NBPF26: variants seen among roughly 807,000 people sequenced by gnomAD.
NBPF26 encodes the protein NBPF family member NBPF26.
In NBPF26, 79 loss-of-function variants were observed where a neutral mutation model predicts 119.6. That is an observed-to-expected ratio of 0.66 (90% confidence interval 0.55 to 0.80). The LOEUF (loss-of-function observed/expected upper bound fraction) is 0.80. Ranked by LOEUF, NBPF26 falls within the 30% of genes least tolerant of loss-of-function variation. The pLI is 0.00. For synonymous variants in NBPF26, 299 were observed against 457.7 expected (o/e 0.65, Z 4.43); for missense variants, 800 against 1,198.2 (o/e 0.67, Z 4.91).
chr1:120,833,200 C>G (rs1407590847), intron 23 of NBPF26, among the ~76,000 whole-genome samples: 1 of 117,968 alleles, frequency 8.5e-6, no homozygotes, highest in African/African-American at 4.7e-5. Context: ...ACTTCAAAAG[C>G]TGTACTCTCA....
At chr1:120,737,799 C>T (rs1276111079) in intron 1 of NBPF26, among the ~76,000 whole-genome samples, 1 of 120,640 alleles carries the variant, frequency 8.3e-6, no homozygotes, top group Non-Finnish European at 1.7e-5. Context: ...TATATTTTAA[C>T]ATTTGTTTCC....
intron 2 of NBPF26, among the ~76,000 whole-genome samples, chr1:120,778,062 C>T (rs1171663252): frequency 1.1e-5 from 1 of 89,054 alleles, no homozygotes; most frequent in Non-Finnish European, 2.0e-5. Context: ...TGGCTGTTAG[C>T]AATTACTTTT....
At position 120,724,288 on chromosome 1, in the gene NBPF26, G is replaced by A. The variant is rs1192375381; in HGVS notation, c.73+38G>A. 36 of 1,372,490 alleles carry A rather than the reference G, an allele frequency of 2.6e-5. 12 individuals are homozygous for A. The highest frequency in any genetic ancestry group is 5.3e-5 in the African/African-American group (2 of 37,408). 85.0% of individuals were successfully genotyped at this position (1,372,490 alleles called of 1,614,324 possible). A position where few individuals can be genotyped will look rare whatever the true frequency, so the allele number is the denominator to read the frequency against. ...CTGAGGGGCGCTGTCCGCGGCGCCC[G>A]GGGCTGCCACCTGGGGCGACCCTTC... On this transcript the variant is annotated intron_variant, in intron 1 of 29. Transcript: ENST00000620612.
At position 120,806,871 on chromosome 1, in the gene NBPF26, C is replaced by T. The variant is rs1437248455; in HGVS notation, c.962-736C>T. The stretch of plus-strand genomic sequence containing the variant: ...TAATACCTACCTCTGTAAATTGCTG[C>T]AATGAATTACATGAGGTATTTCCTG... On this transcript the variant is annotated intron_variant, in intron 5 of 29. Transcript: ENST00000620612. 5.7e-5 allele frequency among the ~76,000 whole-genome samples: 7 copies of T among 123,412 alleles called. 1 individual carries two copies. The highest frequency in any genetic ancestry group is 1.2e-4 in the Non-Finnish European group (7 of 60,822). The allele number at this position is 123,412 out of a possible 152,430, so 81.0% of individuals were successfully genotyped here.
At chr1:120,824,097 C>T in exon 18 of NBPF26, 3 of 465,420 alleles carry the variant, frequency 6.4e-6, no homozygotes, top group Admixed American at 8.3e-5. Context: ...ACAGAAGTGC[C>T]TTTTACGTAT....
At chr1:120,802,565 A>T (rs1213321860) in intron 4 of NBPF26, among the ~76,000 whole-genome samples, 1 of 122,738 alleles carries the variant, frequency 8.1e-6, no homozygotes, top group Non-Finnish European at 1.6e-5. Flanking sequence ...CTAGTTTCAA[A>T]TTCAAGCATG....
downstream of NBPF26, chr1:120,840,761 C>G (rs1652503796): frequency 1.7e-5 from 18 of 1,066,664 alleles, 4 homozygotes; most frequent in Non-Finnish European, 2.3e-5. Context: ...TGTGCTCAGT[C>G]TGAAGACAAT....
Position 120,810,623 on chromosome 1 carries a change from A to C in NBPF26, c.1564+65A>C. 2 of 1,332,624 alleles carry C rather than the reference A, an allele frequency of 1.5e-6. 1 individual carries two copies. Among genetic ancestry groups the C allele is most frequent in the African/African-American group, 5.4e-5 (2 of 36,794 alleles). 82.5% of individuals were successfully genotyped at this position (1,332,624 alleles called of 1,614,324 possible). ...GCTATGGAAGGTCAATTCTGAGGAC[A>C]GGCTGTATATACACATATTGTTATT... On this transcript the variant is annotated intron_variant, in intron 9 of 29. Transcript: ENST00000620612.
rs1204986280 is a variant in NBPF26 at position 120,733,155 on chromosome 1, C to CAT, written c.73+8918_73+8919dup. 4.0e-4 allele frequency among the ~76,000 whole-genome samples: 42 copies of CAT among 104,016 alleles called. 3 individuals carry two copies. The highest frequency in any genetic ancestry group is 1.2e-3 in the Admixed American group (13 of 10,524). The allele number at this position is 104,016 out of a possible 152,430, so 68.2% of individuals were successfully genotyped here. ...TATGTTTAGTTTATGAACAGATCTA[C>CAT]ATATATATATATATGCACACACACA... On this transcript the variant is annotated intron_variant, in intron 1 of 29. Transcript: ENST00000620612.
intron 1 of NBPF26, among the ~76,000 whole-genome samples, chr1:120,762,250 AAGTT>A (rs1651142876): frequency 1.4e-5 from 1 of 73,922 alleles, no homozygotes; most frequent in Non-Finnish European, 2.4e-5. Flanking sequence ...GGTATTTAGT[AAGTT>A]CTATGTGTTA....
Position 120,812,174 on chromosome 1 carries a change from A to G in NBPF26, c.1774+79A>G. On this transcript the variant is annotated intron_variant, in intron 10 of 29. Coordinates refer to ENST00000620612, the Ensembl canonical transcript of NBPF26. ...CTCTGAGACACTAAATGCTCTCTCC[A>G]TCAAAAATAATGTCATCCTCCCCGT... The G allele has an allele frequency of 5.5e-6, 5 of 914,384 alleles. 1 individual carries two copies. In the South Asian group the frequency reaches 7.0e-5, roughly 13 times the overall value. 56.6% of individuals were successfully genotyped at this position (914,384 alleles called of 1,614,324 possible).
At chr1:120,777,910 A>G (rs1651316451) in intron 2 of NBPF26, among the ~76,000 whole-genome samples, 1 of 99,160 alleles carries the variant, frequency 1.0e-5, no homozygotes, top group East Asian at 2.6e-4. Flanking sequence ...GTGAGTTTAG[A>G]CCAATAGGTG....
chr1:120,812,957 TA>T (rs1553271200), intron 10 of NBPF26, among the ~76,000 whole-genome samples: 14 of 113,394 alleles, frequency 1.2e-4, no homozygotes, highest in South Asian at 2.5e-4. Flanking sequence ...ATAATAATAA[TA>T]AATAAAAATA....
Position 120,812,190 on chromosome 1 carries a change from T to C in NBPF26, c.1774+95T>C, listed in dbSNP as rs1349300329. 38 of 890,376 alleles carry C rather than the reference T, an allele frequency of 4.3e-5. 3 individuals carry two copies. Among genetic ancestry groups the C allele is most frequent in the African/African-American group, 6.5e-5 (2 of 30,596 alleles). 55.2% of individuals were successfully genotyped at this position (890,376 alleles called of 1,614,324 possible). Reference sequence around the variant, plus strand: ...GCTCTCTCCATCAAAAATAATGTCATCCTCCCCGTACTTCTAGGAAAACAG... The same window carrying C: ...GCTCTCTCCATCAAAAATAATGTCACCCTCCCCGTACTTCTAGGAAAACAG... On this transcript the variant is annotated intron_variant, in intron 10 of 29. Transcript: ENST00000620612.
chr1:120,820,464 A>ATG (rs1426144005), intron 15 of NBPF26, among the ~76,000 whole-genome samples: 6 of 30,452 alleles, frequency 2.0e-4, no homozygotes, highest in African/African-American at 4.7e-4. Flanking sequence ...ATATATATAT[A>ATG]TATATATATA....
rs1457416089 is a variant in NBPF26 at position 120,806,574 on chromosome 1, C to G, written c.961+809C>G. On this transcript the variant is annotated intron_variant, in intron 5 of 29. Transcript: ENST00000620612. ...CACTATTGAACTCCAGCATGGGTGACAGGGCAAGACTCGTCAAAAAACAAA... is the reference window on the plus strand; with the variant it reads ...CACTATTGAACTCCAGCATGGGTGAGAGGGCAAGACTCGTCAAAAAACAAA... 1.6e-5 allele frequency among the ~76,000 whole-genome samples: 2 copies of G among 125,274 alleles called. 1 individual carries two copies. The highest frequency in any genetic ancestry group is 7.6e-5 in the African/African-American group (2 of 26,456). The allele number at this position is 125,274 out of a possible 152,430, so 82.2% of individuals were successfully genotyped here.
chr1:120,763,560 C>T lies in NBPF26; in HGVS notation c.74-68C>T. 3 of 676,920 alleles carry T rather than the reference C, an allele frequency of 4.4e-6. 1 individual carries two copies. In the South Asian group the frequency reaches 4.6e-5, roughly 10 times the overall value. 41.9% of individuals were successfully genotyped at this position (676,920 alleles called of 1,614,324 possible). A position where few individuals can be genotyped will look rare whatever the true frequency, so the allele number is the denominator to read the frequency against. On this transcript the variant is annotated intron_variant, in intron 1 of 29. Transcript: ENST00000620612. ...ATGAATGCTGATCTGGATTGGATTA[C>T]ACTTCTTTGGTGTCTGAGGGTTATG...
chr1:120,805,506 T>A, intron 4 of NBPF26, 50 bp from the exon 5 acceptor site: 1 of 1,288,694 alleles, frequency 7.8e-7, no homozygotes, highest in East Asian at 2.3e-5. Flanking sequence ...TAAACCGATT[T>A]GATTTCACCA....
At chr1:120,745,934 G>T (rs1261838497) in intron 1 of NBPF26, among the ~76,000 whole-genome samples, 1 of 26,302 alleles carries the variant, frequency 3.8e-5, no homozygotes, top group Admixed American at 4.2e-4. Flanking sequence ...GCCTCACTCT[G>T]TCACCCAGAC....
Sources: gnomAD v4.1 joint callset for allele counts (sites outside exome capture counted in the v4.1 genomes callset) on GRCh38, gnomAD v4.1.1 for gene constraint, MANE v1.5 for transcripts, NCBI Gene and HGNC (gene_info 2026-07-23, HGNC 2026-07-21) for gene names.